TXNRD1: variants seen among roughly 807,000 people sequenced by gnomAD.
TXNRD1 encodes the protein thioredoxin reductase 1.
Under a neutral mutation model 80.3 loss-of-function variants are expected in TXNRD1, and 57 were observed. The observed-to-expected ratio is 0.71, with a 90% CI of 0.57 to 0.89. TXNRD1 has a LOEUF of 0.89. Ranked by LOEUF, TXNRD1 falls within the 40% of genes least tolerant of loss-of-function variation. The pLI, the probability that TXNRD1 is intolerant of heterozygous loss-of-function variation, is 0.00. For missense variants in TXNRD1, 730 were observed against 803.0 expected, an observed-to-expected ratio of 0.91 and a Z score of 1.10; for synonymous variants, 291 against 285.2, an observed-to-expected ratio of 1.02 and a Z score of -0.20.
chr12:104,260,478 CAA>C (rs11295921), intron 3 of TXNRD1, among the ~76,000 whole-genome samples: 114,767 of 151,752 alleles, frequency 0.76, 43,594 homozygotes, highest in East Asian at 0.87. Flanking sequence ...ACAAAACAAA[CAA>C]AAAAAAAACA....
intron 4 of TXNRD1, among the ~76,000 whole-genome samples, chr12:104,295,879 C>T (rs1292969553): frequency 6.6e-6 from 1 of 152,210 alleles, no homozygotes. Context: ...TAGAGCCCAG[C>T]AGATACCTAA....
intron 16 of TXNRD1, among the ~76,000 whole-genome samples, chr12:104,347,072 G>C (rs2036517581): frequency 6.6e-6 from 1 of 152,166 alleles, no homozygotes; most frequent in South Asian, 2.1e-4. Context: ...TCCAGCCTGG[G>C]TGACAGAGTG....
chr12:104,240,784 C>T (rs1218595589), intron 1 of TXNRD1, among the ~76,000 whole-genome samples: 4 of 151,008 alleles, frequency 2.6e-5, no homozygotes, highest in Non-Finnish European at 4.4e-5. Context: ...GCTCTGTCAC[C>T]CAGGCTGGAG....
intron 2 of TXNRD1, among the ~76,000 whole-genome samples, chr12:104,254,608 A>G (rs2033198308): frequency 7.7e-6 from 1 of 129,770 alleles, no homozygotes; most frequent in Non-Finnish European, 1.6e-5. Flanking sequence ...TCTGGGCAGC[A>G]TAACAAGACT....
At position 104,254,630 on chromosome 12, in the gene TXNRD1, G is replaced by GAAAAAAAAAAAAA. The variant is rs760022093; in HGVS notation, c.243+2955_243+2967dup. 3.5e-3 allele frequency among the ~76,000 whole-genome samples: 60 copies of GAAAAAAAAAAAAA among 17,256 alleles called. 5 individuals are homozygous for GAAAAAAAAAAAAA. Among genetic ancestry groups the GAAAAAAAAAAAAA allele is most frequent in the African/African-American group, 8.1e-3 (34 of 4,174 alleles). 11.3% of individuals were successfully genotyped at this position (17,256 alleles called of 152,430 possible). A position where few individuals can be genotyped will look rare whatever the true frequency, so the allele number is the denominator to read the frequency against. ...AGCATAACAAGACTCTATGTCTATG[G>GAAAAAAAAAAAAA]AAAAAAAAAAAAAAATATATATATA... On this transcript the variant is annotated intron_variant, in intron 2 of 16. Coordinates refer to ENST00000525566, the MANE Select transcript of TXNRD1 (RefSeq NM_001093771.3).
At chr12:104,338,554 G>A (rs899110473) in intron 15 of TXNRD1, among the ~76,000 whole-genome samples, 11 of 151,264 alleles carry the variant, frequency 7.3e-5, no homozygotes, top group South Asian at 6.2e-4. Flanking sequence ...AAAATTAGCC[G>A]GGCATGGTAG....
At chr12:104,334,391 G>GTTT in intron 15 of TXNRD1, 59 bp downstream of exon 15, 2 of 978,654 alleles carry the variant, frequency 2.0e-6, no homozygotes, top group Non-Finnish European at 2.8e-6. Context: ...TTTTGTTGTT[G>GTTT]TTTTTTTTTT....
At chr12:104,335,458 C>T (rs2036105240) in intron 15 of TXNRD1, among the ~76,000 whole-genome samples, 1 of 152,106 alleles carries the variant, frequency 6.6e-6, no homozygotes, top group Admixed American at 6.6e-5. Context: ...CCTTGGTCTC[C>T]CAAAGTGCTG....
At position 104,337,953 on chromosome 12, in the gene TXNRD1, AT is replaced by A. The variant is rs761640158; in HGVS notation, c.1747-1165del. 4.2e-3 allele frequency among the ~76,000 whole-genome samples: 488 copies of A among 116,836 alleles called. 2 individuals carry two copies. Among genetic ancestry groups the A allele is most frequent in the Middle Eastern group, 0.018 (3 of 170 alleles). The allele number at this position is 116,836 out of a possible 152,430, so 76.6% of individuals were successfully genotyped here. On this transcript the variant is annotated intron_variant, in intron 15 of 16. Coordinates refer to ENST00000525566, the MANE Select transcript of TXNRD1 (RefSeq NM_001093771.3). ...AGATGTGAGCCACTGTGCCCAGCTA[AT>A]TTTTTTTTTTTTTTTTTTTTCCTGT...
intron 16 of TXNRD1, among the ~76,000 whole-genome samples, chr12:104,344,346 A>G (rs1323567188): frequency 2.0e-5 from 3 of 149,508 alleles, no homozygotes; most frequent in Non-Finnish European, 3.0e-5. Context: ...ATTGTGAAAA[A>G]GCTCCAGTGA....
intron 1 of TXNRD1, among the ~76,000 whole-genome samples, chr12:104,234,661 C>G (rs151232081): frequency 2.9e-5 from 4 of 138,388 alleles, no homozygotes; most frequent in Non-Finnish European, 3.2e-5. Context: ...AAAAAAGAAG[C>G]CTTCCAAAAT....
intron 12 of TXNRD1, among the ~76,000 whole-genome samples, chr12:104,327,138 T>C (rs952928603): frequency 6.6e-6 from 1 of 152,226 alleles, no homozygotes; most frequent in African/African-American, 2.4e-5. Context: ...TTTACCATAG[T>C]TGAGCTCTTC....
chr12:104,238,046 C>T (rs550381397), intron 1 of TXNRD1, among the ~76,000 whole-genome samples: 16 of 151,456 alleles, frequency 1.1e-4, no homozygotes, highest in Admixed American at 7.3e-4. Flanking sequence ...GAAAAATAAA[C>T]GCTTAAATAA....
intron 3 of TXNRD1, among the ~76,000 whole-genome samples, chr12:104,278,089 G>A (rs2033794407): frequency 6.6e-6 from 1 of 151,458 alleles, no homozygotes; most frequent in South Asian, 2.1e-4. Flanking sequence ...GTGTTAGCTG[G>A]GATGGTCTTG....
intron 10 of TXNRD1, among the ~76,000 whole-genome samples, chr12:104,322,957 G>A (rs1169529301): frequency 7.3e-6 from 1 of 137,148 alleles, no homozygotes; most frequent in South Asian, 2.6e-4. Flanking sequence ...GCGGCCTTCC[G>A]CGGTGTTTGT....
intron 9 of TXNRD1, among the ~76,000 whole-genome samples, chr12:104,320,755 G>A (rs1168306312): frequency 1.3e-5 from 2 of 152,128 alleles, no homozygotes; most frequent in African/African-American, 4.8e-5. Flanking sequence ...GTGGCATGAG[G>A]ATGGAGGTTA....
At chr12:104,220,742 GT>G (rs55672508) in intron 1 of TXNRD1, among the ~76,000 whole-genome samples, 89,371 of 119,096 alleles carry the variant, frequency 0.75, 31,339 homozygotes, top group East Asian at 0.85. Context: ...AAAAAAAACG[GT>G]GGGGGGGAGG....
chr12:104,331,815 A>G (rs34976099), intron 14 of TXNRD1, among the ~76,000 whole-genome samples, 174 bp downstream of exon 14: 1 of 142,960 alleles, frequency 7.0e-6, no homozygotes, highest in Non-Finnish European at 1.5e-5. Context: ...GTAGTCTCTC[A>G]TTCTGTGTGT....
intron 2 of TXNRD1, among the ~76,000 whole-genome samples, chr12:104,252,690 A>ATATTTTT (rs2033152006): frequency 2.5e-5 from 1 of 39,650 alleles, no homozygotes; most frequent in East Asian, 9.6e-4. Flanking sequence ...ATATATATAT[A>ATATTTTT]TTTTTTTTTT....
Sources: gnomAD v4.1 joint callset for allele counts (sites outside exome capture counted in the v4.1 genomes callset) on GRCh38, gnomAD v4.1.1 for gene constraint, MANE v1.5 for transcripts, NCBI Gene and HGNC (gene_info 2026-07-23, HGNC 2026-07-21) for gene names.